Variants in PCDHA2 observed in about 807,000 individuals in gnomAD.
The protein encoded by PCDHA2 is protocadherin alpha-2.
PCDHA2 carries 58 observed loss-of-function variants against 66.0 expected under a neutral mutation model. That is an observed-to-expected ratio of 0.88 (90% confidence interval 0.71 to 1.09). The LOEUF is 1.09. PCDHA2 is among the 50% of genes least tolerant of loss of function. The probability of loss-of-function intolerance (pLI) is 0.00; values close to 1 mark genes in which losing one functional copy is unlikely to be tolerated. For synonymous variants in PCDHA2, 634 were observed against 554.0 expected (o/e 1.14, Z -2.03); for missense variants, 1,267 against 1,242.3 (o/e 1.02, Z -0.30).
chr5:140,926,754 C>A, intron 1 of PCDHA2: 1 of 1,283,492 alleles, frequency 7.8e-7, no homozygotes. Context: ...TCGGCGGTCG[C>A]TGAGTATCCA....
intron 3 of PCDHA2, among the ~76,000 whole-genome samples, chr5:140,984,074 A>T (rs1554245949): frequency 6.6e-6 from 1 of 152,268 alleles, no homozygotes; most frequent in African/African-American, 2.4e-5. Context: ...AGTGCCAACG[A>T]TGGAGTGAAG....
chr5:140,807,107 T>G, intron 1 of PCDHA2: 1 of 1,466,078 alleles, frequency 6.8e-7, no homozygotes. Flanking sequence ...AGGATGCAGC[T>G]GCACTTGACT....
At chr5:140,862,994 G>T (rs199654880) in intron 1 of PCDHA2, 1 of 549,002 alleles carries the variant, frequency 1.8e-6, no homozygotes. Flanking sequence ...GGTGCGCACG[G>T]TGGACTCCAG....
At chr5:140,875,501 G>A (rs1457273881) in intron 1 of PCDHA2, 2 of 1,613,368 alleles carry the variant, frequency 1.2e-6, no homozygotes, top group Non-Finnish European at 1.7e-6. Context: ...AGAGGCCCGG[G>A]ATCCCAGCGT....
intron 1 of PCDHA2, chr5:140,823,700 C>A: frequency 2.5e-6 from 4 of 1,613,940 alleles, no homozygotes; most frequent in South Asian, 2.2e-5. Context: ...ACCGAAGCAC[C>A]GCGCCACCGC....
intron 3 of PCDHA2, among the ~76,000 whole-genome samples, chr5:140,996,315 G>A (rs2097722113): frequency 6.6e-6 from 1 of 152,188 alleles, no homozygotes; most frequent in African/African-American, 2.4e-5. Flanking sequence ...AGTAAGGGGG[G>A]AGGGTAGAGA....
At chr5:140,929,362 G>A (rs781830495) in intron 1 of PCDHA2, 13 of 1,520,234 alleles carry the variant, frequency 8.6e-6, no homozygotes, top group Middle Eastern at 1.8e-4. Flanking sequence ...CCTTTGGCCC[G>A]GAGATGGCTG....
At chr5:140,906,750 T>C (rs782209238) in intron 1 of PCDHA2, among the ~76,000 whole-genome samples, 2 of 152,216 alleles carry the variant, frequency 1.3e-5, no homozygotes, top group Non-Finnish European at 2.9e-5. Flanking sequence ...ACACAGGGCA[T>C]GGTAATACTA....
rs1166477260 is a variant in PCDHA2, at chr5:140,843,587, C to T, written c.2388+46235C>T. 5 of 1,596,096 alleles carry T rather than the reference C, an allele frequency of 3.1e-6. 1 individual carries two copies. In the East Asian group the frequency reaches 6.7e-5, roughly 21 times the overall value. The stretch of plus-strand genomic sequence containing the variant: ...CTGGTCATACTCGCAACAACAGCCG[C>T]AGAGGGTGTGCTCTGGTGAGGGGCC... On this transcript the variant is annotated intron_variant, in intron 1 of 3. Coordinates refer to ENST00000526136, the MANE Select transcript of PCDHA2 (RefSeq NM_018905.3).
chr5:140,911,147 C>T (rs978714342), intron 1 of PCDHA2, among the ~76,000 whole-genome samples: 6 of 152,218 alleles, frequency 3.9e-5, no homozygotes, highest in Non-Finnish European at 8.8e-5. Context: ...GGTTTTTCTC[C>T]TCAGACAAAT....
chr5:140,837,634 T>A (rs918973848), intron 1 of PCDHA2, among the ~76,000 whole-genome samples: 4 of 134,932 alleles, frequency 3.0e-5, no homozygotes, highest in Admixed American at 1.4e-4. Context: ...CCTTCCTTCC[T>A]TTCTTTCTTT....
intron 1 of PCDHA2, chr5:140,881,332 C>G (rs923599590): frequency 1.0e-6 from 1 of 984,540 alleles, no homozygotes; most frequent in East Asian, 1.1e-4. Context: ...TTAACCAGGA[C>G]GCCGATTCGG....
intron 1 of PCDHA2, chr5:140,858,779 C>T (rs771428982): frequency 5.0e-6 from 2 of 403,886 alleles, no homozygotes; most frequent in Non-Finnish European, 9.0e-6. Flanking sequence ...ATTAGTACTT[C>T]ATGTTATTTC....
chr5:140,868,806 G>A (rs374832846), intron 1 of PCDHA2: 20 of 357,070 alleles, frequency 5.6e-5, no homozygotes, highest in African/African-American at 2.7e-4. Context: ...AAATAAGCAC[G>A]TTGGAAATAT....
At chr5:140,832,425 A>G (rs1162624158) in intron 1 of PCDHA2, among the ~76,000 whole-genome samples, 2 of 152,234 alleles carry the variant, frequency 1.3e-5, no homozygotes, top group Non-Finnish European at 2.9e-5. Context: ...AAAGAAGTAC[A>G]TGATAATTTT....
intron 1 of PCDHA2, chr5:140,876,682 T>C (rs782271076): frequency 5.6e-6 from 9 of 1,614,180 alleles, no homozygotes; most frequent in Non-Finnish European, 4.2e-6. Context: ...CTACAAGAAT[T>C]ACTACTCGTT....
At chr5:140,927,547 G>A (rs2084343936) in intron 1 of PCDHA2, 2 of 1,614,126 alleles carry the variant, frequency 1.2e-6, no homozygotes, top group Non-Finnish European at 8.5e-7. Flanking sequence ...AGACGCACAA[G>A]TCACCATCAT....
In PCDHA2 at chr5:141,005,964, A is replaced by G. The variant is rs189203283; in HGVS notation, c.2537-3663A>G. On this transcript the variant is annotated intron_variant, in intron 3 of 3. Transcript: ENST00000526136. The stretch of plus-strand genomic sequence containing the variant: ...CCTATCTCTAACAAACAACAATAAA[A>G]AAACAATTCCAAAGAGTGTTTGAGG... 1.8e-3 allele frequency among the ~76,000 whole-genome samples: 274 copies of G among 152,152 alleles called. 1 individual carries two copies. Among genetic ancestry groups the G allele is most frequent in the Middle Eastern group, 6.8e-3 (2 of 294 alleles).
chr5:140,906,252 C>A (rs1376694912), intron 1 of PCDHA2, among the ~76,000 whole-genome samples: 1 of 152,180 alleles, frequency 6.6e-6, no homozygotes, highest in African/African-American at 2.4e-5. Context: ...AACCCATACA[C>A]ACCTCCTGAA....
Sources: gnomAD v4.1 joint callset for allele counts (sites outside exome capture counted in the v4.1 genomes callset) on GRCh38, gnomAD v4.1.1 for gene constraint, MANE v1.5 for transcripts, NCBI Gene and HGNC (gene_info 2026-07-23, HGNC 2026-07-21) for gene names.